Variants in ABTB2 observed in about 807,000 individuals in gnomAD.
The protein encoded by ABTB2 is ankyrin repeat and BTB/POZ domain-containing protein 2.
In ABTB2, 56 loss-of-function variants were observed where a neutral mutation model predicts 104.1. The observed-to-expected ratio is 0.54, with a 90% CI of 0.43 to 0.67. The LOEUF (loss-of-function observed/expected upper bound fraction) is 0.67. Among genes scored for constraint, ABTB2 ranks in the 30% least tolerant of loss-of-function variants. The pLI, the probability that ABTB2 is intolerant of heterozygous loss-of-function variation, is 0.00. For missense variants in ABTB2, 1,279 were observed against 1,407.7 expected, an observed-to-expected ratio of 0.91 and a Z score of 1.46; for synonymous variants, 606 against 608.2, an observed-to-expected ratio of 1.00 and a Z score of 0.05.
intron 1 of ABTB2, among the ~76,000 whole-genome samples, chr11:34,322,218 A>G (rs1404293512): frequency 6.6e-6 from 1 of 152,196 alleles, no homozygotes; most frequent in Non-Finnish European, 1.5e-5. Flanking sequence ...ACTAGATGCA[A>G]TACACAGACC....
intron 1 of ABTB2, among the ~76,000 whole-genome samples, chr11:34,277,170 G>A (rs2133084390): frequency 6.6e-6 from 1 of 152,238 alleles, no homozygotes; most frequent in Non-Finnish European, 1.5e-5. Context: ...TCAAAGTGCT[G>A]GGATTACAGG....
At chr11:34,210,751 A>G (rs1169185918) in intron 1 of ABTB2, among the ~76,000 whole-genome samples, 1 of 152,236 alleles carries the variant, frequency 6.6e-6, no homozygotes, top group Non-Finnish European at 1.5e-5. Context: ...AGTTTCTTTG[A>G]AAGGAAAACC....
At chr11:34,324,884 G>A (rs1251656494) in intron 1 of ABTB2, among the ~76,000 whole-genome samples, 2 of 152,230 alleles carry the variant, frequency 1.3e-5, no homozygotes, top group African/African-American at 2.4e-5. Flanking sequence ...TGGAGTGCCC[G>A]TGGCAGACTG....
intron 3 of ABTB2, among the ~76,000 whole-genome samples, chr11:34,195,190 C>A (rs991139395): frequency 3.3e-5 from 5 of 151,712 alleles, no homozygotes; most frequent in Non-Finnish European, 7.4e-5. Context: ...GAAGAAGGCG[C>A]CTGTCCTCCC....
intron 1 of ABTB2, among the ~76,000 whole-genome samples, chr11:34,265,603 A>G (rs913273577): frequency 7.2e-6 from 1 of 139,210 alleles, no homozygotes; most frequent in African/African-American, 2.7e-5. Context: ...GGTTGCGGTG[A>G]GCCGAGATCA....
intron 3 of ABTB2, among the ~76,000 whole-genome samples, chr11:34,181,826 A>T (rs2133024539): frequency 6.6e-6 from 1 of 152,324 alleles, no homozygotes; most frequent in East Asian, 1.9e-4. Context: ...AGAGATGACG[A>T]TCAAGGGAGA....
chr11:34,211,201 G>A (rs996243452), intron 1 of ABTB2, among the ~76,000 whole-genome samples: 2 of 152,088 alleles, frequency 1.3e-5, no homozygotes, highest in Non-Finnish European at 2.9e-5. Context: ...TTCAACCTTC[G>A]GGGCTCAAGC....
intron 1 of ABTB2, among the ~76,000 whole-genome samples, chr11:34,283,246 C>T (rs1358158193): frequency 6.6e-6 from 1 of 151,870 alleles, no homozygotes; most frequent in African/African-American, 2.4e-5. Flanking sequence ...GATGGAATCT[C>T]GCTCTGTAAC....
At chr11:34,324,340 G>A (rs1855041976) in intron 1 of ABTB2, among the ~76,000 whole-genome samples, 1 of 152,154 alleles carries the variant, frequency 6.6e-6, no homozygotes, top group Non-Finnish European at 1.5e-5. Flanking sequence ...CAAGTTTCCA[G>A]CCCCTATTCC....
chr11:34,309,639 C>G (rs912645826), intron 1 of ABTB2, among the ~76,000 whole-genome samples: 8 of 151,172 alleles, frequency 5.3e-5, no homozygotes, highest in East Asian at 1.9e-4. Context: ...CTTGACATCA[C>G]CAATAATGAG....
At chr11:34,328,642 G>A (rs548923261) in intron 1 of ABTB2, among the ~76,000 whole-genome samples, 1 of 152,286 alleles carries the variant, frequency 6.6e-6, no homozygotes, top group East Asian at 1.9e-4. Flanking sequence ...TCTCCATGAT[G>A]CCTCTAGAGA....
intron 1 of ABTB2, among the ~76,000 whole-genome samples, chr11:34,254,469 G>A (rs183641372): frequency 4.7e-4 from 71 of 151,486 alleles, no homozygotes; most frequent in African/African-American, 1.7e-3. Context: ...TCCCAGACCG[G>A]TCTCAAATCC....
chr11:34,218,517 G>A (rs1428882384), intron 1 of ABTB2, among the ~76,000 whole-genome samples: 1 of 152,024 alleles, frequency 6.6e-6, no homozygotes, highest in Non-Finnish European at 1.5e-5. Flanking sequence ...ATTTATTTTT[G>A]CATGTGGATG....
Position 34,204,580 on chromosome 11 carries a change from G to C in ABTB2, c.994C>G (p.Leu332Val). Residue 332 changes from leucine (L) to valine (V), a missense_variant, in exon 2 of 17, where the codon CTC becomes GTC. Physicochemically the swap from Leu to Val is conservative, Grantham distance 32. Coordinates refer to ENST00000435224, the MANE Select transcript of ABTB2 (RefSeq NM_145804.3). ...QLELRTLEQS[L>V]LATCVGSISE... ...ATGCTGCCCACGCAGGTGGCCAGGA[G>C]GGACTGCTCCAGGGTTCGGAGCTCC... 1 of 1,613,590 alleles carries C rather than the reference G, an allele frequency of 6.2e-7. No homozygotes were observed. The highest frequency in any genetic ancestry group is 8.5e-7 in the Non-Finnish European group (1 of 1,179,994).
At position 34,356,185 on chromosome 11, in the gene ABTB2, G is replaced by A. The variant is rs1300239600; in HGVS notation, c.883+516C>T. Among the ~76,000 whole-genome samples, 7 of 152,174 alleles carry A rather than the reference G, an allele frequency of 4.6e-5. No individual in the cohort carries two copies. Among genetic ancestry groups the A allele is most frequent in the Non-Finnish European group, 1.0e-4 (7 of 68,026 alleles). ...CCTTCAGCCCAGCAAAGCACAAGGC[G>A]CAGCACCAGATCTTGGGCTTCCCAC... On this transcript the variant is annotated intron_variant, in intron 1 of 16. Coordinates refer to ENST00000435224, the MANE Select transcript of ABTB2 (RefSeq NM_145804.3). This position sits in a 1 kb window ranked among gnomAD's most constrained non-coding sequence, Gnocchi z 4.6.
chr11:34,338,941 T>C (rs1855228518), intron 1 of ABTB2, among the ~76,000 whole-genome samples: 1 of 152,168 alleles, frequency 6.6e-6, no homozygotes, highest in Non-Finnish European at 1.5e-5. Flanking sequence ...GCCCCTTCCA[T>C]CGTCTTGAAA....
intron 1 of ABTB2, among the ~76,000 whole-genome samples, chr11:34,231,825 C>G (rs1853773088): frequency 1.3e-5 from 2 of 152,174 alleles, no homozygotes; most frequent in Admixed American, 6.5e-5. Context: ...CACTTTACCT[C>G]TGTGGACTTC....
At chr11:34,333,672 C>A (rs1855158058) in intron 1 of ABTB2, among the ~76,000 whole-genome samples, 1 of 152,174 alleles carries the variant, frequency 6.6e-6, no homozygotes, top group Admixed American at 6.5e-5. Flanking sequence ...AGGAAAATTG[C>A]TTGAACCCGG....
In ABTB2 at chr11:34,168,118, C is replaced by T. The variant is rs144430051; in HGVS notation, c.1564-126G>A. 1.2e-3 allele frequency: 1,174 copies of T among 948,898 alleles called. 16 individuals are homozygous for T. The African/African-American group carries it at 0.016, about 13-fold the overall frequency. 58.8% of individuals were successfully genotyped at this position (948,898 alleles called of 1,614,324 possible). A position where few individuals can be genotyped will look rare whatever the true frequency, so the allele number is the denominator to read the frequency against. On this transcript the variant is annotated intron_variant, in intron 5 of 16. Transcript: ENST00000435224. ...CACCCCAGCCGAGCATCCTGTGGTC[C>T]CCCAGGCTCTGTGCTTCCTGGGCTG...
Sources: gnomAD v4.1 joint callset for allele counts (sites outside exome capture counted in the v4.1 genomes callset) on GRCh38, gnomAD v4.1.1 for gene constraint, Gnocchi (gnomAD v3.1) non-coding constraint, MANE v1.5 for transcripts, NCBI Gene and HGNC (gene_info 2026-07-23, HGNC 2026-07-21) for gene names.